The following FHIT variants were observed in gnomAD, a reference collection of about 807,000 sequenced individuals.
FHIT encodes the protein fragile histidine triad diadenosine triphosphatase, also known as bis(5'-adenosyl)-triphosphatase.
FHIT carries 19 observed loss-of-function variants against 17.9 expected under a neutral mutation model. That is an observed-to-expected ratio of 1.06 (90% CI 0.74 to 1.56). FHIT has a LOEUF of 1.56. Among genes scored for constraint, FHIT ranks in the 40% most tolerant of loss-of-function variants. The probability of loss-of-function intolerance (pLI) is 0.00; values close to 1 mark genes in which losing one functional copy is unlikely to be tolerated. For missense variants in FHIT, 248 were observed against 189.2 expected (o/e 1.31, Z -1.82); for synonymous variants, 81 against 69.7 (o/e 1.16, Z -0.81).
At chr3:60,556,600 C>G (rs924692073) in intron 4 of FHIT, among the ~76,000 whole-genome samples, 3 of 152,240 alleles carry the variant, frequency 2.0e-5, no homozygotes, top group African/African-American at 7.2e-5. Context: ...GCAACTTGAT[C>G]AAGGTCACCC....
At position 59,748,305 on chromosome 3, in the gene FHIT, G is replaced by A. The variant is rs114696884; in HGVS notation, c.*1280C>T. 0.012 allele frequency among the ~76,000 whole-genome samples: 1,756 copies of A among 152,190 alleles called. 32 individuals are homozygous for A. The highest frequency in any genetic ancestry group is 0.039 in the African/African-American group (1,611 of 41,522). On this transcript the variant is annotated 3_prime_UTR_variant, in exon 10 of 10. Transcript: ENST00000492590. ...GATAAGAAAAATCATGACAAAATGG[G>A]AATGAATGCAATTTGGGGAACACTG...
intron 5 of FHIT, among the ~76,000 whole-genome samples, chr3:60,093,952 C>G (rs1703835462): frequency 6.6e-6 from 1 of 152,154 alleles, no homozygotes; most frequent in African/African-American, 2.4e-5. Context: ...ACCACAAATA[C>G]AAGTGAGTGC....
intron 2 of FHIT, among the ~76,000 whole-genome samples, chr3:61,096,973 G>A (rs1257356276): frequency 4.6e-5 from 7 of 151,420 alleles, no homozygotes; most frequent in Admixed American, 2.0e-4. Context: ...CAGCTACGCC[G>A]AAGGCTGAGG....
At chr3:60,844,715 C>G (rs1192731501) in intron 3 of FHIT, among the ~76,000 whole-genome samples, 1 of 152,142 alleles carries the variant, frequency 6.6e-6, no homozygotes, top group Non-Finnish European at 1.5e-5. Context: ...ATCTTCCAAA[C>G]TTACTTGAAA....
chr3:60,815,173 T>C (rs1701696056), intron 4 of FHIT, among the ~76,000 whole-genome samples: 1 of 152,152 alleles, frequency 6.6e-6, no homozygotes, highest in African/African-American at 2.4e-5. Flanking sequence ...TTGTGAATAT[T>C]TTCTGTCATC....
At chr3:59,911,862 C>G (rs1414490308) in intron 8 of FHIT, among the ~76,000 whole-genome samples, 1 of 152,156 alleles carries the variant, frequency 6.6e-6, no homozygotes, top group South Asian at 2.1e-4. Context: ...TTCAGCTCAA[C>G]AGTCATTTCT....
chr3:60,784,055 C>A (rs73836123), intron 4 of FHIT, among the ~76,000 whole-genome samples: 1,808 of 152,282 alleles, frequency 0.012, 35 homozygotes, highest in African/African-American at 0.034. Flanking sequence ...GCCCATCAGT[C>A]CCAGTGGTTG....
At chr3:60,075,601 T>TTAA (rs1412506162) in intron 5 of FHIT, among the ~76,000 whole-genome samples, 2 of 152,096 alleles carry the variant, frequency 1.3e-5, no homozygotes, top group Admixed American at 1.3e-4. Context: ...CTCAGTAACT[T>TTAA]TAATAGTCTA....
At chr3:60,776,755 G>C (rs1295074595) in intron 4 of FHIT, among the ~76,000 whole-genome samples, 1 of 152,182 alleles carries the variant, frequency 6.6e-6, no homozygotes, top group Non-Finnish European at 1.5e-5. Flanking sequence ...TTACATGCAA[G>C]GTGTATGAGA....
intron 5 of FHIT, among the ~76,000 whole-genome samples, chr3:60,126,568 G>A (rs722070): frequency 0.44 from 67,518 of 151,934 alleles, 15,323 homozygotes; most frequent in African/African-American, 0.48. Context: ...CATCATCTCT[G>A]TTTTTCAAAT....
At chr3:60,882,957 C>T (rs931422768) in intron 3 of FHIT, among the ~76,000 whole-genome samples, 1 of 151,978 alleles carries the variant, frequency 6.6e-6, no homozygotes, top group African/African-American at 2.4e-5. Context: ...ATCTTAAATA[C>T]AGAAACCCAT....
chr3:60,691,984 G>A (rs1238851451), intron 4 of FHIT, among the ~76,000 whole-genome samples: 6 of 152,114 alleles, frequency 3.9e-5, no homozygotes, highest in Non-Finnish European at 5.9e-5. Flanking sequence ...GAAAGAGACC[G>A]TGTTTGCCAA....
At chr3:60,311,626 T>C (rs1318332432) in intron 5 of FHIT, among the ~76,000 whole-genome samples, 1 of 152,230 alleles carries the variant, frequency 6.6e-6, no homozygotes, top group African/African-American at 2.4e-5. Context: ...TTTGTTTGTC[T>C]AAAATAATGA....
At chr3:60,923,740 T>A (rs893354818) in intron 3 of FHIT, among the ~76,000 whole-genome samples, 1 of 152,052 alleles carries the variant, frequency 6.6e-6, no homozygotes, top group African/African-American at 2.4e-5. Context: ...ACACTGAGCA[T>A]GAGCCAAAGC....
chr3:60,460,989 A>T (rs2032425170), intron 5 of FHIT, among the ~76,000 whole-genome samples: 1 of 152,208 alleles, frequency 6.6e-6, no homozygotes, highest in Admixed American at 6.5e-5. Flanking sequence ...GGTTAAGTTT[A>T]AAAAATAACA....
At chr3:60,606,079 C>G (rs2038598863) in intron 4 of FHIT, among the ~76,000 whole-genome samples, 1 of 152,098 alleles carries the variant, frequency 6.6e-6, no homozygotes, top group African/African-American at 2.4e-5. Flanking sequence ...GGATGACATT[C>G]TTCTTGCCCC....
intron 8 of FHIT, among the ~76,000 whole-genome samples, chr3:59,790,944 T>G (rs1699530090): frequency 6.6e-6 from 1 of 152,266 alleles, no homozygotes; most frequent in East Asian, 1.9e-4. Context: ...CAGGTCACAT[T>G]CCTGTACTAT....
chr3:60,526,137 T>TAC (rs59137290), intron 5 of FHIT, among the ~76,000 whole-genome samples: 66,755 of 147,964 alleles, frequency 0.45, 14,851 homozygotes, highest in Non-Finnish European at 0.47. Context: ...ACACAACACA[T>TAC]ACACACACAC....
intron 3 of FHIT, among the ~76,000 whole-genome samples, chr3:60,912,209 C>T (rs1453979629): frequency 1.3e-5 from 2 of 152,118 alleles, no homozygotes; most frequent in Non-Finnish European, 2.9e-5. Flanking sequence ...ATGTAAGCTG[C>T]AGTACATGTA....
Sources: gnomAD v4.1 joint callset for allele counts (sites outside exome capture counted in the v4.1 genomes callset) on GRCh38, gnomAD v4.1.1 for gene constraint, MANE v1.5 for transcripts, NCBI Gene and HGNC (gene_info 2026-07-23, HGNC 2026-07-21) for gene names.